Variants in XXYLT1 observed in about 807,000 individuals in gnomAD.
XXYLT1 encodes UDP-xylose:alpha-xyloside alpha-1,3-xylosyltransferase.
Under a neutral mutation model 28.9 loss-of-function variants are expected in XXYLT1, and 20 were observed. That is an observed-to-expected ratio of 0.69 (90% CI 0.49 to 1.00). The LOEUF (loss-of-function observed/expected upper bound fraction) is 1.00, where lower values mean the gene tolerates loss of function less well. XXYLT1 is among the 50% of genes least tolerant of loss of function. The pLI is 0.00. For synonymous variants in XXYLT1, 257 were observed against 253.8 expected (o/e 1.01, Z -0.12); for missense variants, 542 against 560.1 (o/e 0.97, Z 0.33).
chr3:195,224,164 T>TAA (rs138011303), intron 2 of XXYLT1, among the ~76,000 whole-genome samples: 5,028 of 151,956 alleles, frequency 0.033, 302 homozygotes, highest in African/African-American at 0.11. Context: ...CGCCTAAAAA[T>TAA]AAAAAAGAAT....
intron 2 of XXYLT1, among the ~76,000 whole-genome samples, chr3:195,214,518 G>T (rs1723472852): frequency 6.6e-6 from 1 of 152,086 alleles, no homozygotes; most frequent in Admixed American, 6.5e-5. Context: ...GAACCAGCAT[G>T]CACCGTCAGC....
At chr3:195,163,640 T>C (rs922294247) in intron 2 of XXYLT1, among the ~76,000 whole-genome samples, 1 of 152,232 alleles carries the variant, frequency 6.6e-6, no homozygotes, top group African/African-American at 2.4e-5. Flanking sequence ...GGCAGGTGCA[T>C]CCATGTGGAC....
Position 195,255,179 on chromosome 3 carries a change from A to C in XXYLT1, c.504+15376T>G. 6.6e-6 allele frequency among the ~76,000 whole-genome samples: 1 copy of C among 152,228 alleles called. No homozygotes were observed. The highest frequency in any genetic ancestry group is 1.9e-4 in the East Asian group (1 of 5,196). The stretch of plus-strand genomic sequence containing the variant: ...TCCCTCAGCAAGGAGCTTCAGTCGG[A>C]CTAAACCAGCAGAAAAGGCGGTTTC... On this transcript the variant is annotated intron_variant, in intron 1 of 3. Transcript: ENST00000310380. The surrounding 1 kb of genome is among the most constrained non-coding windows in gnomAD (Gnocchi z 4.5).
At chr3:195,234,901 T>G (rs1724468758) in intron 1 of XXYLT1, among the ~76,000 whole-genome samples, 1 of 152,132 alleles carries the variant, frequency 6.6e-6, no homozygotes. Context: ...TATATCTTTC[T>G]CTAGGTTTGG....
Position 195,271,104 on chromosome 3 carries a change from C to T in XXYLT1, c.-46G>A. 7.8e-7 allele frequency: 1 copy of T among 1,286,022 alleles called. No individual in the cohort carries two copies. The highest frequency in any genetic ancestry group is 2.4e-5 in the South Asian group (1 of 41,182). 79.7% of individuals were successfully genotyped at this position (1,286,022 alleles called of 1,614,324 possible). A position where few individuals can be genotyped will look rare whatever the true frequency, so the allele number is the denominator to read the frequency against. On this transcript the variant is annotated 5_prime_UTR_variant, in exon 1 of 4. Coordinates refer to ENST00000310380, the MANE Select transcript of XXYLT1 (RefSeq NM_152531.5). ...CAGCGGTGCCAGCAACGCGGGAGAGCCCTCGGGTACCCGGACGCCGGCGGC... is the reference window on the plus strand; with the variant it reads ...CAGCGGTGCCAGCAACGCGGGAGAGTCCTCGGGTACCCGGACGCCGGCGGC...
At chr3:195,229,975 T>C (rs1033715436) in intron 1 of XXYLT1, among the ~76,000 whole-genome samples, 9 of 152,202 alleles carry the variant, frequency 5.9e-5, no homozygotes, top group Non-Finnish European at 1.3e-4. Flanking sequence ...CTGTTCTCCA[T>C]AGTGATTGTA....
At chr3:195,121,006 G>A (rs948002769) in intron 3 of XXYLT1, among the ~76,000 whole-genome samples, 11 of 152,200 alleles carry the variant, frequency 7.2e-5, no homozygotes, top group Non-Finnish European at 1.5e-4. Flanking sequence ...GACGTGTGTT[G>A]GAGCTAAGAT....
Position 195,070,917 on chromosome 3 carries a change from A to C in XXYLT1, c.786-806T>G, listed in dbSNP as rs141910579. 7.2e-5 allele frequency among the ~76,000 whole-genome samples: 11 copies of C among 152,320 alleles called. No homozygotes were observed. The East Asian group carries it at 1.2e-3, about 16-fold the overall frequency. ...TTTCTCTCAGCAGATTTAGAAACCA[A>C]TCTAGGTTCATAGTTCAGGGAGTGT... On this transcript the variant is annotated intron_variant, in intron 3 of 3. Coordinates refer to ENST00000310380, the MANE Select transcript of XXYLT1 (RefSeq NM_152531.5).
At chr3:195,178,691 C>T (rs1287203561) in intron 2 of XXYLT1, among the ~76,000 whole-genome samples, 2 of 152,164 alleles carry the variant, frequency 1.3e-5, no homozygotes, top group Non-Finnish European at 2.9e-5. Context: ...CACACCTGGG[C>T]CCCGTACTTG....
chr3:195,198,359 AAG>A (rs1172462020), intron 2 of XXYLT1, among the ~76,000 whole-genome samples: 1 of 152,180 alleles, frequency 6.6e-6, no homozygotes, highest in Non-Finnish European at 1.5e-5. Flanking sequence ...AGTTTCAAAA[AAG>A]AGTCAGTCAG....
intron 3 of XXYLT1, among the ~76,000 whole-genome samples, chr3:195,106,254 C>CGTTTTTGATGCAGAGATGCTCTTGTTGT: frequency 7.1e-6 from 1 of 141,390 alleles, no homozygotes; most frequent in African/African-American, 3.0e-5. Context: ...TGTGCTGTGT[C>CGTTTTTGATGCAGAGATGCTCTTGTTGT]GTTTTTGATG....
At chr3:195,223,631 G>A (rs1472927868) in intron 2 of XXYLT1, among the ~76,000 whole-genome samples, 1 of 152,126 alleles carries the variant, frequency 6.6e-6, no homozygotes, top group African/African-American at 2.4e-5. Context: ...ACAAACTCAA[G>A]ACAGCACGAA....
chr3:195,157,433 A>G (rs1470014399), intron 2 of XXYLT1, among the ~76,000 whole-genome samples: 1 of 152,158 alleles, frequency 6.6e-6, no homozygotes, highest in East Asian at 1.9e-4. Context: ...GAATGATCTC[A>G]GATACCACAG....
intron 3 of XXYLT1, among the ~76,000 whole-genome samples, chr3:195,114,767 G>A (rs916059665): frequency 3.9e-5 from 6 of 152,222 alleles, no homozygotes; most frequent in Non-Finnish European, 5.9e-5. Context: ...TCAATCAGAC[G>A]AAACTAAGTG....
rs1725475673 is a variant in XXYLT1, at chr3:195,256,312, C to T, written c.504+14243G>A. On this transcript the variant is annotated intron_variant, in intron 1 of 3. Coordinates refer to ENST00000310380, the MANE Select transcript of XXYLT1 (RefSeq NM_152531.5). This position sits in a 1 kb window ranked among gnomAD's most constrained non-coding sequence, Gnocchi z 4.2. ...CAGGATCCAGCATGGTGCCTGCCAC[C>T]CAGGGTCTCCTGCGATGGTGGCAAC... Among the ~76,000 whole-genome samples the T allele has an allele frequency of 6.6e-6, 1 of 152,182 alleles. No individual in the cohort carries two copies. Among genetic ancestry groups the T allele is most frequent in the Non-Finnish European group, 1.5e-5 (1 of 68,020 alleles).
chr3:195,225,682 C>T (rs1487111670), intron 2 of XXYLT1, among the ~76,000 whole-genome samples: 1 of 152,068 alleles, frequency 6.6e-6, no homozygotes, highest in Non-Finnish European at 1.5e-5. Flanking sequence ...GTGTCCCCAC[C>T]CAAATCTCAT....
chr3:195,124,698 G>A lies in XXYLT1; in HGVS notation c.785+31751C>T, dbSNP rs952576958. The stretch of plus-strand genomic sequence containing the variant: ...AAAAACCCAAGACACTTTGAACCCC[G>A]TGGGAGTGTGGACCCCACATCAACC... On this transcript the variant is annotated intron_variant, in intron 3 of 3. Transcript: ENST00000310380. The surrounding 1 kb of genome is among the most constrained non-coding windows in gnomAD (Gnocchi z 4.1). Among the ~76,000 whole-genome samples the A allele has an allele frequency of 2.0e-5, 3 of 152,146 alleles. No individual in the cohort carries two copies. Among genetic ancestry groups the A allele is most frequent in the East Asian group, 1.9e-4 (1 of 5,194 alleles).
rs182959221 is a variant in XXYLT1 at position 195,133,911 on chromosome 3, A to C, written c.785+22538T>G. 6.6e-6 allele frequency among the ~76,000 whole-genome samples: 1 copy of C among 152,350 alleles called. No homozygotes were observed. The highest frequency in any genetic ancestry group is 1.9e-4 in the East Asian group (1 of 5,186). ...AAAAGCTTACAGAATAAGGATAAAA[A>C]GAAAAAGTATTTACTTTTGGCTGGG... On this transcript the variant is annotated intron_variant, in intron 3 of 3. Coordinates refer to ENST00000310380, the MANE Select transcript of XXYLT1 (RefSeq NM_152531.5). This position sits in a 1 kb window ranked among gnomAD's most constrained non-coding sequence, Gnocchi z 4.4.
intron 2 of XXYLT1, among the ~76,000 whole-genome samples, chr3:195,196,832 G>A (rs1358832253): frequency 6.6e-6 from 1 of 151,980 alleles, no homozygotes; most frequent in African/African-American, 2.4e-5. Context: ...TATCAATGTT[G>A]GCTGAACAAG....
Sources: gnomAD v4.1 joint callset for allele counts (sites outside exome capture counted in the v4.1 genomes callset) on GRCh38, gnomAD v4.1.1 for gene constraint, Gnocchi (gnomAD v3.1) non-coding constraint, MANE v1.5 for transcripts, NCBI Gene and HGNC (gene_info 2026-07-23, HGNC 2026-07-21) for gene names.